RASGRP3: variants seen among roughly 807,000 people sequenced by gnomAD.
The protein encoded by RASGRP3 is RAS guanyl releasing protein 3.
Under a neutral mutation model 82.7 loss-of-function variants are expected in RASGRP3, and 54 were observed. That is an observed-to-expected ratio of 0.65 (90% CI 0.52 to 0.82). The LOEUF (loss-of-function observed/expected upper bound fraction) is 0.82. Among genes scored for constraint, RASGRP3 ranks in the 40% least tolerant of loss-of-function variants. RASGRP3 has a pLI of 0.00. For synonymous variants in RASGRP3, 309 were observed against 300.5 expected, an observed-to-expected ratio of 1.03 and a Z score of -0.29; for missense variants, 861 against 828.9, an observed-to-expected ratio of 1.04 and a Z score of -0.48.
intron 4 of RASGRP3, among the ~76,000 whole-genome samples, chr2:33,517,109 A>G (rs1671544117): frequency 6.6e-6 from 1 of 152,242 alleles, no homozygotes; most frequent in Non-Finnish European, 1.5e-5. Context: ...CTGCCAAGAC[A>G]CAATGAACAT....
At chr2:33,449,940 A>G (rs568533481) in intron 2 of RASGRP3, among the ~76,000 whole-genome samples, 1 of 152,316 alleles carries the variant, frequency 6.6e-6, no homozygotes, top group East Asian at 1.9e-4. Flanking sequence ...GTAAGCATTT[A>G]TTACCTCACA....
At chr2:33,551,764 C>T (rs888931858) in intron 14 of RASGRP3, among the ~76,000 whole-genome samples, 3 of 152,240 alleles carry the variant, frequency 2.0e-5, no homozygotes, top group East Asian at 3.9e-4. Flanking sequence ...GAGGCCAAGG[C>T]GGGTGGATCA....
chr2:33,542,983 G>A (rs893383939), intron 12 of RASGRP3, among the ~76,000 whole-genome samples: 2 of 151,954 alleles, frequency 1.3e-5, no homozygotes, highest in African/African-American at 4.8e-5. Context: ...ATGAGCCACC[G>A]CGCCCAGCCG....
chr2:33,487,883 T>G (rs1668528976), intron 1 of RASGRP3, among the ~76,000 whole-genome samples: 1 of 152,214 alleles, frequency 6.6e-6, no homozygotes. Context: ...GAGGATCACT[T>G]GAGCTCGGGA....
At chr2:33,498,939 C>CA (rs1306763024) in intron 1 of RASGRP3, among the ~76,000 whole-genome samples, 1 of 151,912 alleles carries the variant, frequency 6.6e-6, no homozygotes, top group Admixed American at 6.6e-5. Flanking sequence ...ATTCAACAGA[C>CA]AAGAAAGTGA....
chr2:33,518,429 C>G (rs921128234), intron 4 of RASGRP3, among the ~76,000 whole-genome samples: 1 of 152,140 alleles, frequency 6.6e-6, no homozygotes, highest in African/African-American at 2.4e-5. Context: ...CAGGGTGAGT[C>G]AGTGAGTGAG....
chr2:33,496,725 CG>C (rs1004293475), intron 1 of RASGRP3, among the ~76,000 whole-genome samples: 5 of 152,056 alleles, frequency 3.3e-5, no homozygotes, highest in Admixed American at 3.3e-4. Flanking sequence ...GGTGTGGCGG[CG>C]CATGCCTGTA....
At chr2:33,526,869 C>T (rs1193275353) in intron 9 of RASGRP3, among the ~76,000 whole-genome samples, 2 of 152,156 alleles carry the variant, frequency 1.3e-5, no homozygotes. Flanking sequence ...ATACATGATG[C>T]CATTTAATAT....
In RASGRP3 at chr2:33,558,978, C is replaced by T. The variant is rs776544925; in HGVS notation, c.2012C>T (p.Thr671Met). The change falls in exon 17 of 18, where the codon ACG becomes ATG. Residue 671 changes from threonine (T) to methionine (M), a missense_variant. Physicochemically the swap from Thr to Met is moderately conservative, Grantham distance 81 (BLOSUM62 -1). Transcript: ENST00000403687. ...GGTGTGGATGTTGTAGACCGGGGCA[C>T]GGAGTTTGAACTTGACCAGGATGAA... The part of the protein sequence containing the change: ...HAGVDVVDRG[T>M]EFELDQDEGE... 24 of 1,613,578 alleles carry T rather than the reference C, an allele frequency of 1.5e-5. No individual in the cohort carries two copies. Among genetic ancestry groups the T allele is most frequent in the South Asian group, 6.6e-5 (6 of 91,022 alleles).
In RASGRP3 at chr2:33,520,534, A is replaced by T; in HGVS notation, c.237-19A>T. 6.2e-7 allele frequency: 1 copy of T among 1,611,910 alleles called. No individual in the cohort carries two copies. Among genetic ancestry groups the T allele is most frequent in the Non-Finnish European group, 8.5e-7 (1 of 1,178,290 alleles). On this transcript the variant is annotated intron_variant, in intron 5 of 17. Coordinates refer to ENST00000403687, the MANE Select transcript of RASGRP3 (RefSeq NM_001139488.2). ...AACTTGCAATCTTCCAGCTGCCAAA[A>T]ATATTTGATGCCTTTCAGGTACTGG...
In RASGRP3 at chr2:33,562,975, T is replaced by G. The variant is rs1676853569; in HGVS notation, c.*238T>G. On this transcript the variant is annotated 3_prime_UTR_variant, in exon 18 of 18. Transcript: ENST00000403687. The stretch of plus-strand genomic sequence containing the variant: ...ACCCCTAGTTAAGTGCCACAAAGAC[T>G]GTGTTATGTAGTCAGTACTTTTTTC... The G allele has an allele frequency of 1.8e-6, 1 of 547,772 alleles. No individual in the cohort carries two copies. Among genetic ancestry groups the G allele is most frequent in the Non-Finnish European group, 3.1e-6 (1 of 320,518 alleles). The allele number at this position is 547,772 out of a possible 1,614,324, so 33.9% of individuals were successfully genotyped here. A position where few individuals can be genotyped will look rare whatever the true frequency, so the allele number is the denominator to read the frequency against.
chr2:33,558,354 C>G lies in RASGRP3; in HGVS notation c.1705+18C>G. On this transcript the variant is annotated intron_variant, in intron 16 of 17. Coordinates refer to ENST00000403687, the MANE Select transcript of RASGRP3 (RefSeq NM_001139488.2). ...GCCCCCAGGTAATGCCCTCTGCTTT[C>G]TTTGCTGCCATGGTCTCTTTCTGCT... 1 of 1,612,690 alleles carries G rather than the reference C, an allele frequency of 6.2e-7. No individual in the cohort carries two copies. The highest frequency in any genetic ancestry group is 8.5e-7 in the Non-Finnish European group (1 of 1,179,856).
At position 33,547,260 on chromosome 2, in the gene RASGRP3, C is replaced by T. The variant is rs1478131914; in HGVS notation, c.1395-2344C>T. The stretch of plus-strand genomic sequence containing the variant: ...AGAGACGCTGGTGCCTCCTTGATGG[C>T]GGACGTTTGGAGGAGCAGAAAAAAT... On this transcript the variant is annotated intron_variant, in intron 13 of 17. Coordinates refer to ENST00000403687, the MANE Select transcript of RASGRP3 (RefSeq NM_001139488.2). Among the ~76,000 whole-genome samples, 6 of 143,842 alleles carry T rather than the reference C, an allele frequency of 4.2e-5. No individual in the cohort carries two copies. The Admixed American group carries it at 4.3e-4, about 10-fold the overall frequency. 94.4% of individuals were successfully genotyped at this position (143,842 alleles called of 152,430 possible). A position where few individuals can be genotyped will look rare whatever the true frequency, so the allele number is the denominator to read the frequency against.
chr2:33,512,882 A>G (rs1362570124), intron 2 of RASGRP3, among the ~76,000 whole-genome samples: 1 of 152,238 alleles, frequency 6.6e-6, no homozygotes, highest in African/African-American at 2.4e-5. Flanking sequence ...ATGACACTAT[A>G]GAGATTTAAA....
At chr2:33,536,313 T>A (rs1465696969) in intron 11 of RASGRP3, among the ~76,000 whole-genome samples, 19 of 84,778 alleles carry the variant, frequency 2.2e-4, no homozygotes, top group South Asian at 2.2e-3. Flanking sequence ...AAAAAAAAAA[T>A]TTAAAAAAGA....
upstream of RASGRP3, among the ~76,000 whole-genome samples, chr2:33,475,263 C>G (rs1342757551): frequency 3.9e-5 from 6 of 152,322 alleles, no homozygotes; most frequent in Middle Eastern, 3.4e-3. Context: ...CGGACTCTCA[C>G]AAGTTGACAA....
intron 1 of RASGRP3, among the ~76,000 whole-genome samples, chr2:33,442,871 G>C (rs62147114): frequency 0.24 from 34,522 of 142,190 alleles, 4,830 homozygotes; most frequent in Middle Eastern, 0.31. Flanking sequence ...TTCTCCTACA[G>C]AAATCACTAT....
At chr2:33,467,007 A>G (rs924153609) in intron 2 of RASGRP3, among the ~76,000 whole-genome samples, 1 of 152,104 alleles carries the variant, frequency 6.6e-6, no homozygotes, top group Non-Finnish European at 1.5e-5. Context: ...GATCATTACC[A>G]TGAGGATTAA....
intron 10 of RASGRP3, among the ~76,000 whole-genome samples, 174 bp downstream of exon 10, chr2:33,527,586 A>G (rs930062916): frequency 6.6e-6 from 1 of 152,204 alleles, no homozygotes; most frequent in Non-Finnish European, 1.5e-5. Context: ...AATATTTTCC[A>G]TAACCAGCAA....
Sources: gnomAD v4.1 joint callset for allele counts (sites outside exome capture counted in the v4.1 genomes callset) on GRCh38, gnomAD v4.1.1 for gene constraint, MANE v1.5 for transcripts, NCBI Gene and HGNC (gene_info 2026-07-23, HGNC 2026-07-21) for gene names.